ZNF483: variants seen among roughly 807,000 people sequenced by gnomAD.
ZNF483 encodes zinc finger protein 483.
A neutral mutation model predicts 28.6 loss-of-function variants in ZNF483; 9 were observed. The observed-to-expected ratio is 0.32, with a 90% CI of 0.19 to 0.55. The LOEUF (loss-of-function observed/expected upper bound fraction) is 0.55. Ranked by LOEUF, ZNF483 falls within the 20% of genes least tolerant of loss-of-function variation. The pLI is 0.93. For missense variants in ZNF483, 675 were observed against 871.7 expected (o/e 0.77, Z 2.84); for synonymous variants, 322 against 306.2 (o/e 1.05, Z -0.54).
At chr9:111,559,873 C>T (rs1301188918), downstream of ZNF483, among the ~76,000 whole-genome samples, 1 of 152,196 alleles carries the variant, frequency 6.6e-6, no homozygotes, top group East Asian at 1.9e-4. Context: ...TTCAGGCATT[C>T]CTTAGTTATC....
chr9:111,558,399 T>A (rs1301117211), downstream of ZNF483, among the ~76,000 whole-genome samples: 4 of 152,226 alleles, frequency 2.6e-5, no homozygotes, highest in East Asian at 7.7e-4. Context: ...TGCTCCAGGC[T>A]GGGCATGGTG....
In ZNF483 at chr9:111,547,454, T is replaced by A. The variant is rs1252635311; in HGVS notation, c.*4284T>A. Among the ~76,000 whole-genome samples the A allele has an allele frequency of 1.3e-5, 2 of 152,170 alleles. No individual in the cohort carries two copies. Among genetic ancestry groups the A allele is most frequent in the African/African-American group, 4.8e-5 (2 of 41,458 alleles). On this transcript the variant is annotated 3_prime_UTR_variant, in exon 6 of 6. Coordinates refer to ENST00000309235, the MANE Select transcript of ZNF483 (RefSeq NM_133464.5). ...CATTTGTATCTCTTCTTTGGAGAAA[T>A]GTTTATTGAAGTCCTTTGCCCATTT...
Position 111,550,928 on chromosome 9 carries a change from GTC to G in ZNF483, c.*7763_*7764del, listed in dbSNP as rs1827922920. Among the ~76,000 whole-genome samples the G allele has an allele frequency of 2.6e-5, 4 of 152,000 alleles. No homozygotes were observed. The South Asian group carries it at 8.3e-4, about 32-fold the overall frequency. The stretch of plus-strand genomic sequence containing the variant: ...TTTGAGTTGTTTTCACCTGTTTTCT[GTC>G]TCTCACACTGGAGGCTTTCCTGAAG... On this transcript the variant is annotated 3_prime_UTR_variant, in exon 6 of 6. Transcript: ENST00000309235.
rs1365391269 is a variant in ZNF483, at chr9:111,548,911, G to T, written c.*5741G>T. ...ATGAGCAATCAACAGTCTCACTGAG[G>T]ATTTCTTTTATGTGATGATTTGCTT... On this transcript the variant is annotated 3_prime_UTR_variant, in exon 6 of 6. Coordinates refer to ENST00000309235, the MANE Select transcript of ZNF483 (RefSeq NM_133464.5). Among the ~76,000 whole-genome samples the T allele has an allele frequency of 6.6e-6, 1 of 151,960 alleles. No homozygotes were observed. The highest frequency in any genetic ancestry group is 1.5e-5 in the Non-Finnish European group (1 of 67,984).
At position 111,554,569 on chromosome 9, in the gene ZNF483, T is replaced by C. The variant is rs916974610; in HGVS notation, c.*11399T>C. Among the ~76,000 whole-genome samples the C allele has an allele frequency of 6.6e-6, 1 of 152,222 alleles. No homozygotes were observed. The highest frequency in any genetic ancestry group is 1.5e-5 in the Non-Finnish European group (1 of 68,032). Reference sequence around the variant, plus strand: ...ACCAAACCCTGTATGTTCTATGTTTTGTCAGTCTGATAACCCAAGAAGGCT... The same window carrying C: ...ACCAAACCCTGTATGTTCTATGTTTCGTCAGTCTGATAACCCAAGAAGGCT... On this transcript the variant is annotated 3_prime_UTR_variant, in exon 6 of 6. Coordinates refer to ENST00000309235, the MANE Select transcript of ZNF483 (RefSeq NM_133464.5).
intron 5 of ZNF483, among the ~76,000 whole-genome samples, chr9:111,538,110 A>T (rs147620559): frequency 6.6e-6 from 1 of 150,670 alleles, no homozygotes; most frequent in African/African-American, 2.4e-5. Context: ...AATACATGAC[A>T]TACATTTTTG....
intron 5 of ZNF483, chr9:111,570,244 C>G: frequency 6.3e-7 from 1 of 1,595,006 alleles, no homozygotes; most frequent in Non-Finnish European, 8.5e-7. Context: ...GTGGCAGGAT[C>G]CAGGGAGGTG....
In ZNF483 at chr9:111,543,276, T is replaced by G. The variant is rs1026292471; in HGVS notation, c.*106T>G. The stretch of plus-strand genomic sequence containing the variant: ...GATCAGTAGCTGCAGCTTTCGTAAA[T>G]TGGCAGTTAGGAAAAATATCCTTTT... On this transcript the variant is annotated 3_prime_UTR_variant, in exon 6 of 6. Transcript: ENST00000309235. The G allele has an allele frequency of 4.5e-5, 66 of 1,453,530 alleles. No individual in the cohort carries two copies. Among genetic ancestry groups the G allele is most frequent in the South Asian group, 2.9e-4 (18 of 62,730 alleles). 90.0% of individuals were successfully genotyped at this position (1,453,530 alleles called of 1,614,324 possible). A position where few individuals can be genotyped will look rare whatever the true frequency, so the allele number is the denominator to read the frequency against.
Position 111,549,150 on chromosome 9 carries a change from T to A in ZNF483, c.*5980T>A, listed in dbSNP as rs1375569480. ...AGAGAGTCACTGAGTCACTGGAGGT[T>A]CTCTGTGTGTGTGAGTGTATAAATA... On this transcript the variant is annotated 3_prime_UTR_variant, in exon 6 of 6. Coordinates refer to ENST00000309235, the MANE Select transcript of ZNF483 (RefSeq NM_133464.5). Among the ~76,000 whole-genome samples the A allele has an allele frequency of 6.6e-6, 1 of 152,226 alleles. No individual in the cohort carries two copies. Among genetic ancestry groups the A allele is most frequent in the South Asian group, 2.1e-4 (1 of 4,834 alleles).
At position 111,553,274 on chromosome 9, in the gene ZNF483, C is replaced by G. The variant is rs191384312; in HGVS notation, c.*10104C>G. 1.3e-5 allele frequency among the ~76,000 whole-genome samples: 2 copies of G among 152,302 alleles called. No individual in the cohort carries two copies. The highest frequency in any genetic ancestry group is 4.8e-5 in the African/African-American group (2 of 41,572). On this transcript the variant is annotated 3_prime_UTR_variant, in exon 6 of 6. Coordinates refer to ENST00000309235, the MANE Select transcript of ZNF483 (RefSeq NM_133464.5). ...CATCATTAAATGTGCACTATACTGT[C>G]TCTAGTCTTCTTGACTATGCCAGTT...
chr9:111,526,687 A>G (rs912857850), intron 1 of ZNF483, among the ~76,000 whole-genome samples: 102 of 152,320 alleles, frequency 6.7e-4, no homozygotes, highest in Middle Eastern at 3.4e-3. Flanking sequence ...GAGTTGTTAA[A>G]TAGCTTTGTG....
At chr9:111,528,286 G>A (rs1827230650) in intron 2 of ZNF483, among the ~76,000 whole-genome samples, 1 of 152,202 alleles carries the variant, frequency 6.6e-6, no homozygotes, top group East Asian at 1.9e-4. Context: ...ATGAAAAGCA[G>A]CTAGTGCAAA....
At position 111,561,139 on chromosome 9, in the gene ZNF483, GAGAGAGAGGGA is replaced by G. The variant is rs1564608043; in HGVS notation, c.722-15225_722-15215del. Among the ~76,000 whole-genome samples the G allele has an allele frequency of 8.6e-3, 134 of 15,564 alleles. 15 individuals carry two copies. Among genetic ancestry groups the G allele is most frequent in the African/African-American group, 0.025 (55 of 2,172 alleles). The allele number at this position is 15,564 out of a possible 152,430, so 10.2% of individuals were successfully genotyped here. ...GAGAGAGAGAGAGAGAGAGAGAGAGGAGAGAGAGGGAGAGAGAGAGAGAGAGAGAGAGAGAG... is the reference window on the plus strand; with the variant it reads ...GAGAGAGAGAGAGAGAGAGAGAGAGGGAGAGAGAGAGAGAGAGAGAGAGAG... On this transcript the variant is annotated intron_variant, in intron 5 of 5. Transcript: ENST00000358151.
intron 5 of ZNF483, among the ~76,000 whole-genome samples, chr9:111,571,136 G>A (rs933651470): frequency 6.7e-6 from 1 of 149,872 alleles, no homozygotes; most frequent in African/African-American, 2.4e-5. Flanking sequence ...GTGTGGGGTC[G>A]GGTGCGTGGC....
intron 5 of ZNF483, among the ~76,000 whole-genome samples, chr9:111,566,776 C>T (rs1828579660): frequency 6.6e-6 from 1 of 152,088 alleles, no homozygotes; most frequent in Non-Finnish European, 1.5e-5. Context: ...ATGCTGTCTT[C>T]ATGGAGGTTA....
Position 111,542,563 on chromosome 9 carries a change from G to C in ZNF483, c.1628G>C (p.Arg543Pro). The C allele has an allele frequency of 6.2e-7, 1 of 1,613,998 alleles. No individual in the cohort carries two copies. Among genetic ancestry groups the C allele is most frequent in the Non-Finnish European group, 8.5e-7 (1 of 1,180,000 alleles). Residue 543 changes from arginine (R) to proline (P), a missense_variant, in exon 6 of 6, where the codon CGA becomes CCA. By Grantham distance (103) the Arg-to-Pro change is moderately radical. Around this residue, in one of 6 missense-constraint regions of ZNF483, gnomAD observed 41 missense variants for 69.0 expected, o/e 0.59. Transcript: ENST00000309235. This position sits in a 1 kb window ranked among gnomAD's most constrained non-coding sequence, Gnocchi z 6.2. ...AGTTCATCTCTTATTCAACATCAGC[G>C]AATTCATACTGGAGAAAAACCCTAT... ...SDSSSLIQHQ[R>P]IHTGEKPYTC...
rs150587835 is a variant in ZNF483, at chr9:111,552,286, CTTTT to C, written c.*9122_*9125del. 6.6e-6 allele frequency among the ~76,000 whole-genome samples: 1 copy of C among 151,032 alleles called. No individual in the cohort carries two copies. Among genetic ancestry groups the C allele is most frequent in the African/African-American group, 2.4e-5 (1 of 41,072 alleles). On this transcript the variant is annotated 3_prime_UTR_variant, in exon 6 of 6. Coordinates refer to ENST00000309235, the MANE Select transcript of ZNF483 (RefSeq NM_133464.5). ...GAAACAAGATCATTAGATACATTGTCTTTTTTTTTCAGAAGTTTCATAAACTGTC... is the reference window on the plus strand; with the variant it reads ...GAAACAAGATCATTAGATACATTGTCTTTTTCAGAAGTTTCATAAACTGTC...
intron 5 of ZNF483, 36 bp downstream of exon 5, chr9:111,534,389 AGTTGTTTAGCAAGTCT>A (rs1413883690): frequency 6.4e-7 from 1 of 1,552,448 alleles, no homozygotes; most frequent in East Asian, 2.2e-5. Flanking sequence ...AAATTAAAGC[AGTTGTTTAGCAAGTCT>A]GTTGAGAAGA....
At chr9:111,560,968 TATATATAGAGAGAGAGAG>T (rs1475449432) in intron 5 of ZNF483, among the ~76,000 whole-genome samples, 5 of 40,066 alleles carry the variant, frequency 1.2e-4, no homozygotes, top group East Asian at 1.8e-3. Context: ...TATATATATA[TATATATAGAGAGAGAGAG>T]AGAGAGAGAG....
Sources: gnomAD v4.1 joint callset for allele counts (sites outside exome capture counted in the v4.1 genomes callset) on GRCh38, gnomAD v4.1.1 for gene constraint, gnomAD v4.1.1 regional missense constraint, Gnocchi (gnomAD v3.1) non-coding constraint, MANE v1.5 for transcripts, NCBI Gene and HGNC (gene_info 2026-07-23, HGNC 2026-07-21) for gene names.